The following PHF24 variants were observed in gnomAD, a reference collection of about 807,000 sequenced individuals.
PHF24 encodes the protein PHD finger protein 24, also known as Galpha inhibitory interacting protein.
Under a neutral mutation model 42.6 loss-of-function variants are expected in PHF24, and 25 were observed. The ratio of observed to expected loss-of-function variants is 0.59; its 90% CI spans 0.43 to 0.82. The LOEUF (loss-of-function observed/expected upper bound fraction) is 0.82, where lower values mean the gene tolerates loss of function less well. PHF24 is among the 40% of genes least tolerant of loss of function. PHF24 has a pLI of 0.00. For missense variants in PHF24, 470 were observed against 538.1 expected (o/e 0.87, Z 1.25); for synonymous variants, 185 against 204.8 (o/e 0.90, Z 0.83).
At chr9:34,795,995 G>GAAAAAAAA in the PHF24 span, among the ~76,000 whole-genome samples, 1 of 142,212 alleles carries the variant, frequency 7.0e-6, no homozygotes. Flanking sequence ...GTGAGACCCT[G>GAAAAAAAA]AAAAAAAAAA....
At chr9:34,677,111 A>G in the PHF24 span, among the ~76,000 whole-genome samples, 1 of 152,168 alleles carries the variant, frequency 6.6e-6, no homozygotes, top group Admixed American at 6.5e-5. Flanking sequence ...CCAGTTATCC[A>G]TCTCAGAAAA....
At chr9:34,676,220 G>A in the PHF24 span, among the ~76,000 whole-genome samples, 51 of 152,268 alleles carry the variant, frequency 3.3e-4, no homozygotes, top group African/African-American at 1.2e-3. Context: ...AGATACCAGA[G>A]ACATTAAAGA....
At chr9:34,719,813 T>C in the PHF24 span, among the ~76,000 whole-genome samples, 39 of 152,320 alleles carry the variant, frequency 2.6e-4, no homozygotes, top group South Asian at 3.5e-3. Flanking sequence ...GCAGGGAGGA[T>C]GTGCCTGTCA....
At chr9:34,818,141 A>ATT in the PHF24 span, among the ~76,000 whole-genome samples, 51 of 152,300 alleles carry the variant, frequency 3.3e-4, no homozygotes, top group Middle Eastern at 3.4e-3. Flanking sequence ...TAGGGGCACT[A>ATT]TTTGTTCCTT....
intron 5 of PHF24, 82 bp downstream of exon 5, chr9:34,976,822 C>A (rs922621263): frequency 6.6e-6 from 8 of 1,218,530 alleles, no homozygotes; most frequent in Middle Eastern, 3.9e-4. Context: ...TGGGGGAGCA[C>A]TGGGTCCTGC....
At chr9:34,826,747 A>T in the PHF24 span, among the ~76,000 whole-genome samples, 36 of 152,272 alleles carry the variant, frequency 2.4e-4, no homozygotes, top group Non-Finnish European at 4.6e-4. Flanking sequence ...TCACCATGAC[A>T]TGTTGTTACC....
the PHF24 span, among the ~76,000 whole-genome samples, chr9:34,841,289 G>A: frequency 1.1e-4 from 16 of 152,020 alleles, no homozygotes; most frequent in African/African-American, 3.4e-4. Flanking sequence ...GTGAGCCACC[G>A]CGCCCAGCCA....
At chr9:34,822,299 A>G in the PHF24 span, among the ~76,000 whole-genome samples, 1 of 152,186 alleles carries the variant, frequency 6.6e-6, no homozygotes, top group East Asian at 1.9e-4. Context: ...AGGACTTTCT[A>G]TAAAATTTCT....
At chr9:34,715,223 C>T in the PHF24 span, among the ~76,000 whole-genome samples, 46 of 152,046 alleles carry the variant, frequency 3.0e-4, no homozygotes, top group South Asian at 1.0e-3. Flanking sequence ...GTCCCTACCC[C>T]GTCTCCAGTC....
At chr9:34,952,382 A>C in the PHF24 span, among the ~76,000 whole-genome samples, 74 of 152,342 alleles carry the variant, frequency 4.9e-4, no homozygotes, top group African/African-American at 1.7e-3. Flanking sequence ...TGACCTAACT[A>C]AATGGGGAGA....
At chr9:34,875,942 A>G in the PHF24 span, among the ~76,000 whole-genome samples, 2 of 86,778 alleles carry the variant, frequency 2.3e-5, no homozygotes, top group African/African-American at 1.0e-4. Context: ...ACACACACAC[A>G]CACACACACT....
At chr9:34,695,816 A>G in the PHF24 span, among the ~76,000 whole-genome samples, 2 of 152,112 alleles carry the variant, frequency 1.3e-5, no homozygotes, top group African/African-American at 2.4e-5. Context: ...TTTTCCCTGT[A>G]TCCTTGGAGT....
At chr9:34,936,024 T>TCCCG in the PHF24 span, among the ~76,000 whole-genome samples, 1 of 148,022 alleles carries the variant, frequency 6.8e-6, no homozygotes, top group African/African-American at 2.6e-5. Context: ...TCCCTCTCCC[T>TCCCG]CTCCCGCTCC....
the PHF24 span, chr9:34,728,559 T>C: frequency 2.6e-6 from 4 of 1,532,954 alleles, no homozygotes; most frequent in African/African-American, 2.8e-5. Flanking sequence ...ACAGGATTCA[T>C]GGGAAACACC....
the PHF24 span, among the ~76,000 whole-genome samples, chr9:34,905,285 C>G: frequency 6.6e-6 from 1 of 152,202 alleles, no homozygotes; most frequent in South Asian, 2.1e-4. Context: ...ACAACCTGAC[C>G]TCCTACCAGA....
the PHF24 span, among the ~76,000 whole-genome samples, chr9:34,801,780 G>A: frequency 6.6e-6 from 1 of 152,102 alleles, no homozygotes. Flanking sequence ...GAAGCTGGAA[G>A]CCATCATTCT....
chr9:34,909,322 A>G, the PHF24 span, among the ~76,000 whole-genome samples: 1 of 152,044 alleles, frequency 6.6e-6, no homozygotes, highest in African/African-American at 2.4e-5. Flanking sequence ...TGTCTGCCCA[A>G]CTTGGGAGGT....
At chr9:34,936,401 C>T in the PHF24 span, among the ~76,000 whole-genome samples, 7 of 152,206 alleles carry the variant, frequency 4.6e-5, no homozygotes, top group East Asian at 1.9e-4. Context: ...AATGCAGTGG[C>T]GTGATCTCGG....
chr9:34,697,902 G>C, the PHF24 span, among the ~76,000 whole-genome samples: 1 of 152,152 alleles, frequency 6.6e-6, no homozygotes, highest in Non-Finnish European at 1.5e-5. Context: ...CAAGGTGAAT[G>C]ATGGAATTCT....
Sources: allele counts gnomAD v4.1 joint callset (sites outside exome capture counted in the v4.1 genomes callset), GRCh38; gene constraint gnomAD v4.1.1; transcripts MANE v1.5; gene names NCBI Gene and HGNC (gene_info 2026-07-23, HGNC 2026-07-21).